Variants in DDX10 observed in about 807,000 individuals in gnomAD.
DDX10 encodes DEAD-box helicase 10.
A neutral mutation model predicts 104.3 loss-of-function variants in DDX10; 74 were observed. The ratio of observed to expected loss-of-function variants is 0.71; its 90% CI spans 0.59 to 0.86. The LOEUF (loss-of-function observed/expected upper bound fraction) is 0.86, where lower values mean the gene tolerates loss of function less well. Among genes scored for constraint, DDX10 ranks in the 40% least tolerant of loss-of-function variants. The pLI, the probability that DDX10 is intolerant of heterozygous loss-of-function variation, is 0.00. For missense variants in DDX10, 952 were observed against 1,040.0 expected (o/e 0.92, Z 1.16); for synonymous variants, 351 against 353.4 (o/e 0.99, Z 0.08).
At chr11:108,913,027 A>G (rs1336264926) in intron 16 of DDX10, among the ~76,000 whole-genome samples, 1 of 152,170 alleles carries the variant, frequency 6.6e-6, no homozygotes, top group South Asian at 2.1e-4. Context: ...ACTCATGAAA[A>G]TAAGTCAAAA....
intron 7 of DDX10, among the ~76,000 whole-genome samples, chr11:108,689,335 G>A (rs557144336): frequency 9.2e-5 from 14 of 152,280 alleles, no homozygotes; most frequent in Non-Finnish European, 2.1e-4. Context: ...TGTTATCCAA[G>A]CTAAGCAGAG....
chr11:108,693,449 A>G, intron 8 of DDX10, 67 bp from the exon 9 acceptor site: 2 of 1,105,572 alleles, frequency 1.8e-6, no homozygotes, highest in Non-Finnish European at 2.8e-6. Context: ...CAATATTTTA[A>G]GATAAAAATA....
intron 6 of DDX10, among the ~76,000 whole-genome samples, chr11:108,680,193 T>C (rs1234131605): frequency 1.3e-5 from 2 of 152,332 alleles, no homozygotes; most frequent in East Asian, 1.9e-4. Flanking sequence ...GTTTGTGATA[T>C]GCAAGTAGTT....
rs543189695 is a variant in DDX10, at chr11:108,843,800, ATCTG to A, written c.2247+2332_2247+2335del. On this transcript the variant is annotated intron_variant, in intron 15 of 17. Transcript: ENST00000322536. ...ATTGAGAATTCATGCTTCTGCCTAT[ATCTG>A]TCTGTCTTATTCATACCTACACCCT... is the stretch of plus-strand genomic sequence containing the variant. Among the ~76,000 whole-genome samples, 10 of 152,146 alleles carry A rather than the reference ATCTG, an allele frequency of 6.6e-5. No homozygotes were observed. In the South Asian group the frequency reaches 2.1e-3, roughly 32 times the overall value.
Position 108,904,779 on chromosome 11 carries a change from G to A in DDX10, c.2305-13094G>A, listed in dbSNP as rs189713186. ...GTTTTGGCCAAAGATTGAAAATGTA[G>A]CCATGTGCCAGAGAGATATATGAGC... On this transcript the variant is annotated intron_variant, in intron 16 of 17. Transcript: ENST00000322536. Among the ~76,000 whole-genome samples the A allele has an allele frequency of 5.9e-5, 9 of 151,842 alleles. No homozygotes were observed. The East Asian group carries it at 1.7e-3, about 29-fold the overall frequency.
intron 9 of DDX10, among the ~76,000 whole-genome samples, chr11:108,697,348 A>T (rs1452720364): frequency 1.3e-5 from 2 of 152,004 alleles, no homozygotes; most frequent in Non-Finnish European, 2.9e-5. Context: ...TAAAATTAGA[A>T]TCTAATTAAA....
intron 13 of DDX10, among the ~76,000 whole-genome samples, chr11:108,796,902 G>A (rs1378458362): frequency 6.6e-6 from 1 of 152,156 alleles, no homozygotes; most frequent in African/African-American, 2.4e-5. Flanking sequence ...TATGTGTGAT[G>A]CCTTTCACGG....
chr11:108,787,707 C>G (rs547695032), intron 13 of DDX10, among the ~76,000 whole-genome samples: 1 of 151,920 alleles, frequency 6.6e-6, no homozygotes, highest in African/African-American at 2.4e-5. Flanking sequence ...CTGAGGTGGG[C>G]GGATCACCTG....
intron 13 of DDX10, among the ~76,000 whole-genome samples, chr11:108,760,812 T>G (rs998147423): frequency 2.6e-5 from 4 of 151,910 alleles, no homozygotes; most frequent in African/African-American, 9.7e-5. Flanking sequence ...ATGGGAAAAT[T>G]GTTTATGCTG....
At chr11:108,802,592 T>C (rs929793974) in intron 13 of DDX10, among the ~76,000 whole-genome samples, 1 of 152,212 alleles carries the variant, frequency 6.6e-6, no homozygotes, top group Middle Eastern at 3.2e-3. Flanking sequence ...TAAGTTGCTG[T>C]TCTTTTGTAA....
At chr11:108,865,093 C>A (rs1192004280) in intron 16 of DDX10, among the ~76,000 whole-genome samples, 1 of 152,108 alleles carries the variant, frequency 6.6e-6, no homozygotes, top group East Asian at 1.9e-4. Flanking sequence ...GACGGGTATA[C>A]CTGTAAATCC....
chr11:108,670,410 C>G (rs553355151), intron 1 of DDX10, among the ~76,000 whole-genome samples: 85 of 152,226 alleles, frequency 5.6e-4, no homozygotes, highest in African/African-American at 2.0e-3. Flanking sequence ...CAGCACAGTT[C>G]CAAGAAAGAT....
intron 1 of DDX10, among the ~76,000 whole-genome samples, chr11:108,668,117 T>A (rs928743496): frequency 6.6e-6 from 1 of 152,256 alleles, no homozygotes; most frequent in South Asian, 2.1e-4. Context: ...TTTTTGTTTC[T>A]TGTAATTGTG....
At chr11:108,894,292 T>C (rs1030348628) in intron 16 of DDX10, among the ~76,000 whole-genome samples, 8 of 152,144 alleles carry the variant, frequency 5.3e-5, no homozygotes, top group African/African-American at 1.9e-4. Context: ...GCATTCTCAT[T>C]GTCTTTAAGG....
intron 1 of DDX10, among the ~76,000 whole-genome samples, chr11:108,667,819 G>A (rs2094211978): frequency 6.6e-6 from 1 of 152,178 alleles, no homozygotes; most frequent in Admixed American, 6.5e-5. Context: ...TCCCCTGACC[G>A]AGTTAGGGCT....
intron 16 of DDX10, among the ~76,000 whole-genome samples, chr11:108,891,643 G>A (rs548260436): frequency 9.2e-5 from 14 of 152,106 alleles, no homozygotes; most frequent in Non-Finnish European, 1.9e-4. Flanking sequence ...CCATAATGCC[G>A]TTACTCTTGA....
chr11:108,691,775 C>T (rs2094252834), intron 7 of DDX10, 101 bp from the exon 8 acceptor site: 1 of 970,072 alleles, frequency 1.0e-6, no homozygotes, highest in Non-Finnish European at 1.4e-6. Flanking sequence ...TTGGGTATCA[C>T]ATTGCTCTGC....
chr11:108,798,127 A>G (rs1395533371), intron 13 of DDX10, among the ~76,000 whole-genome samples: 1 of 152,166 alleles, frequency 6.6e-6, no homozygotes, highest in East Asian at 1.9e-4. Flanking sequence ...TTTTGATTGT[A>G]TCATTTTGCC....
At chr11:108,863,452 C>T (rs1164221979) in intron 16 of DDX10, among the ~76,000 whole-genome samples, 1 of 152,106 alleles carries the variant, frequency 6.6e-6, no homozygotes, top group Non-Finnish European at 1.5e-5. Context: ...CAGCTATGTA[C>T]ATTAGTTTTC....
Sources: allele counts gnomAD v4.1 joint callset (sites outside exome capture counted in the v4.1 genomes callset), GRCh38; gene constraint gnomAD v4.1.1; transcripts MANE v1.5; gene names NCBI Gene and HGNC (gene_info 2026-07-23, HGNC 2026-07-21).